The following GUK1 variants were observed in gnomAD, a reference collection of about 807,000 sequenced individuals.
GUK1 encodes guanylate kinase 1.
Under a neutral mutation model 25.2 loss-of-function variants are expected in GUK1, and 18 were observed. The observed-to-expected ratio is 0.71, with a 90% CI of 0.49 to 1.06. GUK1 has a LOEUF of 1.06. Ranked by LOEUF, GUK1 falls within the 50% of genes least tolerant of loss-of-function variation. The pLI, the probability that GUK1 is intolerant of heterozygous loss-of-function variation, is 0.00. For synonymous variants in GUK1, 105 were observed against 117.6 expected, an observed-to-expected ratio of 0.89 and a Z score of 0.69; for missense variants, 261 against 276.7, an observed-to-expected ratio of 0.94 and a Z score of 0.40.
At chr1:228,145,937 GC>G in intron 3 of GUK1, 88 bp from the exon 3 acceptor site, 1 of 968,684 alleles carries the variant, frequency 1.0e-6, no homozygotes, top group South Asian at 1.3e-5. Flanking sequence ...GCATCCTGGG[GC>G]TCAAGTGCTG....
chr1:228,148,713 C>G lies in GUK1; in HGVS notation c.*16C>G. On this transcript the variant is annotated 3_prime_UTR_variant, in exon 9 of 9. Transcript: ENST00000312726. ...CGGCGCCTGAGGCTTGCTGTCTGTT[C>G]TCGGCACCCCGGGCCCATACAGGAC... 4 of 1,607,508 alleles carry G rather than the reference C, an allele frequency of 2.5e-6. No homozygotes were observed. Among genetic ancestry groups the G allele is most frequent in the African/African-American group, 2.7e-5 (2 of 75,038 alleles).
At chr1:228,142,844 T>C (rs549290916) in intron 2 of GUK1, among the ~76,000 whole-genome samples, 1 of 151,620 alleles carries the variant, frequency 6.6e-6, no homozygotes, top group Non-Finnish European at 1.5e-5. Context: ...TTGTGGTAGT[T>C]TGGTGGGATC....
At chr1:228,141,304 T>C (rs2034028947) in intron 2 of GUK1, 1 of 971,540 alleles carries the variant, frequency 1.0e-6, no homozygotes, top group East Asian at 1.1e-4. Context: ...GGAATGTTCC[T>C]GTCCCCCCCG....
chr1:228,141,533 G>T lies in GUK1; in HGVS notation c.-3+245G>T, dbSNP rs149640429. On this transcript the variant is annotated intron_variant, in intron 2 of 8. Transcript: ENST00000312726. ...GTTTGTGTCTTACGAGAGGCCAGGC[G>T]GGGGCTGAATTCTCTCGGTTCTCAG... 1.7e-3 allele frequency: 1,117 copies of T among 660,028 alleles called. 13 individuals carry two copies. In the African/African-American group the frequency reaches 0.021, roughly 13 times the overall value. The allele number at this position is 660,028 out of a possible 1,614,324, so 40.9% of individuals were successfully genotyped here. A position where few individuals can be genotyped will look rare whatever the true frequency, so the allele number is the denominator to read the frequency against.
At position 228,148,761 on chromosome 1, in the gene GUK1, C is replaced by T. The variant is rs2034549585; in HGVS notation, c.*64C>T. On this transcript the variant is annotated 3_prime_UTR_variant, in exon 9 of 9. Coordinates refer to ENST00000312726, the MANE Select transcript of GUK1 (RefSeq NM_000858.7). ...GACCAGGGCAGCAGCATTGAGCCACCCCCTTGGCAGGCGATACGGCAGCTC... is the reference window on the plus strand; with the variant it reads ...GACCAGGGCAGCAGCATTGAGCCACTCCCTTGGCAGGCGATACGGCAGCTC... The T allele has an allele frequency of 1.9e-6, 3 of 1,611,202 alleles. No homozygotes were observed. In the African/African-American group the frequency reaches 4.0e-5, roughly 22 times the overall value.
intron 5 of GUK1, among the ~76,000 whole-genome samples, 174 bp from the exon 5 acceptor site, chr1:228,147,232 G>A (rs1160170608): frequency 1.3e-5 from 2 of 152,200 alleles, no homozygotes; most frequent in East Asian, 1.9e-4. Flanking sequence ...CCCTGTAGGC[G>A]GGGCAGGGCG....
At chr1:228,145,342 G>T in intron 2 of GUK1, 169 bp from the exon 2 acceptor site, 3 of 625,076 alleles carry the variant, frequency 4.8e-6, no homozygotes, top group Non-Finnish European at 7.8e-6. Context: ...CCCTTCCAAC[G>T]TGGCAGAGCT....
chr1:228,148,366 C>A lies in GUK1; in HGVS notation c.476-5C>A. ...CTGTGCCCTGACCCCAGGCCCCACC[C>A]ACAGGCAAGGAGCCCGGCCTGTTTG... On this transcript the variant is annotated splice_polypyrimidine_tract_variant and splice_region_variant and intron_variant, in intron 7 of 8. Transcript: ENST00000312726. The A allele has an allele frequency of 1.3e-6, 2 of 1,555,798 alleles. No individual in the cohort carries two copies. The highest frequency in any genetic ancestry group is 2.3e-5 in the South Asian group (2 of 85,728).
upstream of GUK1, chr1:228,140,198 A>C: frequency 1.1e-6 from 1 of 911,920 alleles, no homozygotes; most frequent in Middle Eastern, 2.2e-4. Flanking sequence ...AACGAGTGAG[A>C]CATGGGCGGG....
rs188733567 is a variant in GUK1 at position 228,142,767 on chromosome 1, C to T, written c.-3+1479C>T. Reference sequence around the variant, plus strand: ...ATTCCTGGGAGTTGGAAGTGAGGCACGAGCTCCCCAATTCCTGGGCATCGG... The same window carrying T: ...ATTCCTGGGAGTTGGAAGTGAGGCATGAGCTCCCCAATTCCTGGGCATCGG... On this transcript the variant is annotated intron_variant, in intron 2 of 8. Coordinates refer to ENST00000312726, the MANE Select transcript of GUK1 (RefSeq NM_000858.7). Among the ~76,000 whole-genome samples the T allele has an allele frequency of 1.0e-3, 155 of 152,122 alleles. 2 individuals are homozygous for T. In the East Asian group the frequency reaches 0.015, roughly 15 times the overall value.
rs1199770970 is a variant in GUK1 at position 228,148,703 on chromosome 1, G to A, written c.*6G>A. 8 of 1,605,148 alleles carry A rather than the reference G, an allele frequency of 5.0e-6. No homozygotes were observed. Among genetic ancestry groups the A allele is most frequent in the South Asian group, 1.1e-5 (1 of 91,040 alleles). On this transcript the variant is annotated 3_prime_UTR_variant, in exon 9 of 9. Transcript: ENST00000312726. ...CTCAAAGGACCGGCGCCTGAGGCTT[G>A]CTGTCTGTTCTCGGCACCCCGGGCC...
rs1369413625 is a variant in GUK1 at position 228,148,890 on chromosome 1, A to G, written c.*193A>G. ...CCTCGCTGGGCTGTCCCCTGTCCCT[A>G]TCTCTCACTCTGGACCCAGGGCTGA... On this transcript the variant is annotated 3_prime_UTR_variant, in exon 9 of 9. Transcript: ENST00000312726. 7.1e-6 allele frequency: 10 copies of G among 1,410,076 alleles called. No individual in the cohort carries two copies. The East Asian group carries it at 1.8e-4, about 25-fold the overall frequency. The allele number at this position is 1,410,076 out of a possible 1,614,324, so 87.3% of individuals were successfully genotyped here.
At chr1:228,143,245 C>T (rs1056976154) in intron 2 of GUK1, among the ~76,000 whole-genome samples, 17 of 152,020 alleles carry the variant, frequency 1.1e-4, no homozygotes, top group African/African-American at 4.1e-4. Context: ...TCAGGCCCAC[C>T]AGTGCCATGC....
At chr1:228,146,528 C>T in intron 4 of GUK1, 1 of 475,728 alleles carries the variant, frequency 2.1e-6, no homozygotes, top group Non-Finnish European at 3.8e-6. Context: ...TGACGGTCTC[C>T]AGTTCCCCCA....
At chr1:228,148,501 C>T (rs1229713164) in intron 8 of GUK1, 45 bp downstream of exon 7, 3 of 1,486,532 alleles carry the variant, frequency 2.0e-6, no homozygotes, top group Non-Finnish European at 2.7e-6. Context: ...CAAGGGGAGG[C>T]CTGGGGGCCA....
At chr1:228,146,291 G>A (rs2034368178) in intron 4 of GUK1, 7 of 561,190 alleles carry the variant, frequency 1.2e-5, no homozygotes, top group Admixed American at 3.2e-5. Context: ...AAGGCCTGGG[G>A]CTGTCTTCCT....
chr1:228,145,733 A>G (rs1253919519), intron 3 of GUK1, 109 bp downstream of exon 2: 1 of 1,329,548 alleles, frequency 7.5e-7, no homozygotes. Flanking sequence ...CCCACCCTGC[A>G]GACTGTCCGA....
chr1:228,143,523 C>T (rs1165455282), intron 2 of GUK1, among the ~76,000 whole-genome samples: 4 of 152,232 alleles, frequency 2.6e-5, no homozygotes, highest in African/African-American at 9.6e-5. Flanking sequence ...GTACCCCTTC[C>T]ACCCTGGCGA....
chr1:228,144,859 T>C, intron 2 of GUK1: 1 of 321,686 alleles, frequency 3.1e-6, no homozygotes, highest in Middle Eastern at 1.6e-3. Context: ...CCTTGGGGGC[T>C]GGGAGGGAGG....
Sources: allele counts gnomAD v4.1 joint callset (sites outside exome capture counted in the v4.1 genomes callset), GRCh38; gene constraint gnomAD v4.1.1; transcripts MANE v1.5; gene names NCBI Gene and HGNC (gene_info 2026-07-23, HGNC 2026-07-21).